Variants in KLF8 observed in about 807,000 individuals in gnomAD.
KLF8 encodes the protein Krueppel-like factor 8.
In KLF8, 10 loss-of-function variants were observed where a neutral mutation model predicts 18.2. The observed-to-expected ratio is 0.55, with a 90% CI of 0.34 to 0.93. The LOEUF (loss-of-function observed/expected upper bound fraction) is 0.93. Among genes scored for constraint, KLF8 ranks in the 40% least tolerant of loss-of-function variants. The pLI is 0.02. For synonymous variants in KLF8, 109 were observed against 97.3 expected, an observed-to-expected ratio of 1.12 and a Z score of -0.71; for missense variants, 264 against 277.9, an observed-to-expected ratio of 0.95 and a Z score of 0.36.
the KLF8 span, among the ~76,000 whole-genome samples, chrX:56,220,879 CTTTTA>C: frequency 1.2e-4 from 14 of 112,523 alleles, no homozygotes; most frequent in Non-Finnish European, 2.1e-4. Context: ...TCACATAAGC[CTTTTA>C]TTTTATCAAA....
the KLF8 span, among the ~76,000 whole-genome samples, chrX:56,192,977 C>T: frequency 3.6e-5 from 4 of 112,158 alleles, no homozygotes; most frequent in Non-Finnish European, 7.5e-5. Context: ...AATGGGATCA[C>T]ATGAAGTTAG....
the KLF8 span, among the ~76,000 whole-genome samples, chrX:56,145,158 C>T: frequency 9.0e-6 from 1 of 111,274 alleles, no homozygotes; most frequent in Non-Finnish European, 1.9e-5. Context: ...AAAATATGGG[C>T]AAAGGATTTG....
the KLF8 span, among the ~76,000 whole-genome samples, chrX:55,956,142 T>TATCTATC: frequency 2.9e-4 from 27 of 93,506 alleles, no homozygotes; most frequent in Non-Finnish European, 5.0e-4. Flanking sequence ...TCTATCTATC[T>TATCTATC]ATCTATCTAT....
At chrX:56,223,927 T>G in the KLF8 span, among the ~76,000 whole-genome samples, 2 of 110,812 alleles carry the variant, frequency 1.8e-5, no homozygotes, top group Non-Finnish European at 3.8e-5. Flanking sequence ...TGTTTGTTAT[T>G]TTTTTGTCTT....
At chrX:55,957,992 G>A in the KLF8 span, among the ~76,000 whole-genome samples, 3 of 111,968 alleles carry the variant, frequency 2.7e-5, no homozygotes, top group African/African-American at 9.7e-5. Flanking sequence ...TACACATCCA[G>A]GAAGCTTTAG....
At chrX:55,979,400 A>G in the KLF8 span, among the ~76,000 whole-genome samples, 4 of 111,580 alleles carry the variant, frequency 3.6e-5, no homozygotes, top group African/African-American at 1.3e-4. Flanking sequence ...AGTATGTATG[A>G]AGTTTGGTAC....
chrX:56,151,309 A>G, the KLF8 span, among the ~76,000 whole-genome samples: 1 of 111,868 alleles, frequency 8.9e-6, no homozygotes, highest in Non-Finnish European at 1.9e-5. Context: ...CTGCTTATAA[A>G]GAGTACAACT....
the KLF8 span, among the ~76,000 whole-genome samples, chrX:56,160,619 A>T: frequency 1.8e-5 from 2 of 111,408 alleles, no homozygotes; most frequent in Non-Finnish European, 3.8e-5. Flanking sequence ...GTTGTTGTTG[A>T]GTTGATCCCT....
At chrX:56,168,908 C>A in the KLF8 span, among the ~76,000 whole-genome samples, 1 of 111,464 alleles carries the variant, frequency 9.0e-6, no homozygotes, top group Non-Finnish European at 1.9e-5. Flanking sequence ...CCCTGAATAG[C>A]CAAAGCAATT....
chrX:56,209,999 T>A, the KLF8 span, among the ~76,000 whole-genome samples: 12 of 112,444 alleles, frequency 1.1e-4, no homozygotes, highest in East Asian at 3.1e-3. Context: ...TCAATGACTA[T>A]GTCTTGAAAA....
the KLF8 span, among the ~76,000 whole-genome samples, chrX:56,098,438 C>A: frequency 9.0e-6 from 1 of 111,559 alleles, no homozygotes; most frequent in African/African-American, 3.3e-5. Flanking sequence ...TTATGAAAAT[C>A]AATTAATGTG....
chrX:56,282,977 C>T (rs1394412744), intron 5 of KLF8, among the ~76,000 whole-genome samples: 1 of 111,520 alleles, frequency 9.0e-6, no homozygotes, highest in East Asian at 2.8e-4. Flanking sequence ...GTTCTCTTCC[C>T]ACCATCCCTG....
chrX:55,923,739 T>A, the KLF8 span, among the ~76,000 whole-genome samples: 1 of 108,160 alleles, frequency 9.2e-6, no homozygotes, highest in Non-Finnish European at 1.9e-5. Context: ...TGTGTGTGTG[T>A]GTGTGTATAT....
chrX:55,920,583 C>A, the KLF8 span, among the ~76,000 whole-genome samples: 1 of 110,446 alleles, frequency 9.1e-6, no homozygotes, highest in Admixed American at 9.7e-5. Context: ...AAAAAACAAT[C>A]ACAGCTTCTG....
chrX:56,091,485 C>G, the KLF8 span, among the ~76,000 whole-genome samples: 200 of 110,882 alleles, frequency 1.8e-3, 1 homozygote, highest in African/African-American at 6.2e-3. Context: ...GTATAGGTAT[C>G]TTTTTGATAT....
At chrX:56,147,912 A>G in the KLF8 span, among the ~76,000 whole-genome samples, 1 of 112,306 alleles carries the variant, frequency 8.9e-6, no homozygotes, top group Non-Finnish European at 1.9e-5. Context: ...TGGGAGGCGG[A>G]GGTTACAGTG....
the KLF8 span, among the ~76,000 whole-genome samples, chrX:56,222,626 C>G: frequency 2.9e-3 from 322 of 112,951 alleles, 1 homozygote; most frequent in Non-Finnish European, 3.3e-3. Context: ...CTTGGGCGGT[C>G]GATGGGACTG....
At chrX:56,231,863 C>A (rs944899984), upstream of KLF8, among the ~76,000 whole-genome samples, 3 of 110,570 alleles carry the variant, frequency 2.7e-5, no homozygotes, top group African/African-American at 9.9e-5. Flanking sequence ...ATTCACAGAT[C>A]ATCTTCAACT....
At chrX:56,264,702 T>A (rs906422290) in intron 2 of KLF8, among the ~76,000 whole-genome samples, 2 of 111,638 alleles carry the variant, frequency 1.8e-5, no homozygotes, top group African/African-American at 6.5e-5. Context: ...AAATATCACC[T>A]CCTCCTTGAA....
Sources: gnomAD v4.1 joint callset for allele counts (sites outside exome capture counted in the v4.1 genomes callset) on GRCh38, gnomAD v4.1.1 for gene constraint, MANE v1.5 for transcripts, NCBI Gene and HGNC (gene_info 2026-07-23, HGNC 2026-07-21) for gene names.